KIF5C: variants seen among roughly 807,000 people sequenced by gnomAD.
KIF5C encodes kinesin heavy chain isoform 5C.
In KIF5C, 18 loss-of-function variants were observed where a neutral mutation model predicts 125.2. The ratio of observed to expected loss-of-function variants is 0.14; its 90% CI spans 0.10 to 0.21. The LOEUF (loss-of-function observed/expected upper bound fraction) is 0.21. KIF5C is among the 10% of genes least tolerant of loss of function. The pLI is 1.00. For synonymous variants in KIF5C, 405 were observed against 434.0 expected (o/e 0.93, Z 0.83); for missense variants, 780 against 1,183.8 (o/e 0.66, Z 5.01).
At chr2:148,983,477 G>T in intron 14 of KIF5C, 143 bp from the exon 15 acceptor site, 2 of 1,171,132 alleles carry the variant, frequency 1.7e-6, no homozygotes, top group Non-Finnish European at 2.3e-6. Context: ...GCAGTGCTAT[G>T]CGAGAGTTTG....
chr2:148,918,833 ATAGT>A (rs1460603294), intron 1 of KIF5C, among the ~76,000 whole-genome samples: 3 of 152,214 alleles, frequency 2.0e-5, no homozygotes, highest in African/African-American at 7.2e-5. Context: ...TGGAAATTTG[ATAGT>A]TAGGAGCGAG....
chr2:148,998,594 C>G, intron 19 of KIF5C, 85 bp downstream of exon 19: 1 of 1,529,562 alleles, frequency 6.5e-7, no homozygotes, highest in Non-Finnish European at 8.8e-7. Flanking sequence ...GGCTCTTAGT[C>G]GAGGGCCCTG....
intron 1 of KIF5C, among the ~76,000 whole-genome samples, chr2:148,899,763 C>T (rs1365777817): frequency 6.9e-6 from 1 of 145,248 alleles, no homozygotes; most frequent in Non-Finnish European, 1.5e-5. Flanking sequence ...CAGTTACCAA[C>T]AGACTCCTTA....
At chr2:148,930,720 C>G (rs1682160431) in intron 3 of KIF5C, among the ~76,000 whole-genome samples, 1 of 152,150 alleles carries the variant, frequency 6.6e-6, no homozygotes, top group Non-Finnish European at 1.5e-5. Context: ...TCTCTTTCAC[C>G]TGTTTTGCTG....
chr2:148,955,351 TG>T (rs1682767226), intron 10 of KIF5C, among the ~76,000 whole-genome samples: 1 of 152,210 alleles, frequency 6.6e-6, no homozygotes, highest in South Asian at 2.1e-4. Flanking sequence ...TACAATCAGC[TG>T]ACTTTAAGCA....
chr2:148,987,248 A>C (rs1168783474), intron 15 of KIF5C, among the ~76,000 whole-genome samples: 1 of 152,224 alleles, frequency 6.6e-6, no homozygotes, highest in Non-Finnish European at 1.5e-5. Context: ...GAAAACATGT[A>C]TGCAACATGG....
At chr2:148,977,030 T>C in intron 12 of KIF5C, among the ~76,000 whole-genome samples, 1 of 152,218 alleles carries the variant, frequency 6.6e-6, no homozygotes, top group East Asian at 1.9e-4. Context: ...AATGTGTAGA[T>C]ATAAGCACAC....
chr2:148,935,090 G>A (rs564536320), intron 3 of KIF5C: 7 of 406,410 alleles, frequency 1.7e-5, no homozygotes, highest in Admixed American at 1.1e-4. Flanking sequence ...GGGATGGGAG[G>A]CATTATTATG....
Position 148,875,591 on chromosome 2 carries a change from C to CCCCCG in KIF5C, c.-27_-26insCCCCG. 1 of 1,385,730 alleles carries CCCCCG rather than the reference C, an allele frequency of 7.2e-7. No homozygotes were observed. Among genetic ancestry groups the CCCCCG allele is most frequent in the Non-Finnish European group, 9.9e-7 (1 of 1,005,440 alleles). 85.8% of individuals were successfully genotyped at this position (1,385,730 alleles called of 1,614,324 possible). On this transcript the variant is annotated 5_prime_UTR_variant, in exon 1 of 26. Coordinates refer to ENST00000435030, the MANE Select transcript of KIF5C (RefSeq NM_004522.3). ...CCGGCCCCGGCCCCCCACCCATCCCCGTGCCCCCTCCCTACCGCCGGCCGA... is the reference window on the plus strand; with the variant it reads ...CCGGCCCCGGCCCCCCACCCATCCCCCCCCGGTGCCCCCTCCCTACCGCCGGCCGA...
rs1681182789 is a variant in KIF5C at position 148,876,146 on chromosome 2, G to T, written c.126+403G>T. 6.6e-6 allele frequency among the ~76,000 whole-genome samples: 1 copy of T among 152,200 alleles called. No individual in the cohort carries two copies. Among genetic ancestry groups the T allele is most frequent in the African/African-American group, 2.4e-5 (1 of 41,456 alleles). The stretch of plus-strand genomic sequence containing the variant: ...CTCTGCAACCCGCAAATGCTTCTGG[G>T]CATCAATCAATTCGATTTACCAAAC... On this transcript the variant is annotated intron_variant, in intron 1 of 25. Coordinates refer to ENST00000435030, the MANE Select transcript of KIF5C (RefSeq NM_004522.3). The surrounding 1 kb of genome is among the most constrained non-coding windows in gnomAD (Gnocchi z 4.7).
intron 2 of KIF5C, among the ~76,000 whole-genome samples, chr2:148,926,411 C>G (rs1038334739): frequency 5.3e-5 from 8 of 152,196 alleles, no homozygotes; most frequent in Non-Finnish European, 1.2e-4. Flanking sequence ...GTCTGCGGAG[C>G]GTGGCTGGCA....
rs1180357626 is a variant in KIF5C at position 148,876,306 on chromosome 2, G to A, written c.126+563G>A. Among the ~76,000 whole-genome samples the A allele has an allele frequency of 6.6e-6, 1 of 152,218 alleles. No homozygotes were observed. Among genetic ancestry groups the A allele is most frequent in the East Asian group, 1.9e-4 (1 of 5,180 alleles). ...CGGTGTTACACCTGGCTCCGCGCGC[G>A]GAAGGCGGAGGGTTGGGGGAGTACT... On this transcript the variant is annotated intron_variant, in intron 1 of 25. Coordinates refer to ENST00000435030, the MANE Select transcript of KIF5C (RefSeq NM_004522.3). The surrounding 1 kb of genome is among the most constrained non-coding windows in gnomAD (Gnocchi z 4.7).
chr2:148,954,772 T>G (rs1362100675), intron 10 of KIF5C, among the ~76,000 whole-genome samples: 2 of 152,232 alleles, frequency 1.3e-5, no homozygotes, highest in Non-Finnish European at 2.9e-5. Context: ...GTAGCTAGAT[T>G]AGGCAGAGCC....
At chr2:148,886,280 G>A (rs1172221876) in intron 1 of KIF5C, 1 of 152,394 alleles carries the variant, frequency 6.6e-6, no homozygotes, top group Non-Finnish European at 1.5e-5. Context: ...GACCTCTGTA[G>A]GGTCTGGTTT....
intron 20 of KIF5C, 85 bp downstream of exon 20, chr2:149,000,609 G>A: frequency 6.3e-7 from 1 of 1,578,200 alleles, no homozygotes; most frequent in South Asian, 1.2e-5. Flanking sequence ...AACAGACAAT[G>A]GCTATTTGTG....
Position 149,017,739 on chromosome 2 carries a change from G to C in KIF5C, c.*8-5339G>C, listed in dbSNP as rs186379951. Among the ~76,000 whole-genome samples, 103 of 152,260 alleles carry C rather than the reference G, an allele frequency of 6.8e-4. 3 individuals carry two copies. Among genetic ancestry groups the C allele is most frequent in the Admixed American group, 5.6e-3 (86 of 15,286 alleles). ...GGAATACAATTCTCACAGATCCCCA[G>C]AGTTGATTTAAATTATTTTATTATA... is the stretch of plus-strand genomic sequence containing the variant. On this transcript the variant is annotated intron_variant, in intron 25 of 25. Transcript: ENST00000435030.
In KIF5C at chr2:148,973,291, A is replaced by C. The variant is rs1202119358; in HGVS notation, c.1118-45A>C. On this transcript the variant is annotated intron_variant, in intron 11 of 25. Coordinates refer to ENST00000435030, the MANE Select transcript of KIF5C (RefSeq NM_004522.3). ...TGGTACTCTTCCTGGAGGGTTGCAT[A>C]CTCAATTTCTTTAATCCCCAACTCT... 3 of 1,574,584 alleles carry C rather than the reference A, an allele frequency of 1.9e-6. No individual in the cohort carries two copies. The East Asian group carries it at 6.7e-5, about 35-fold the overall frequency.
chr2:148,950,031 G>A (rs1682621627), intron 9 of KIF5C, 88 bp downstream of exon 9: 8 of 1,490,772 alleles, frequency 5.4e-6, no homozygotes, highest in South Asian at 2.7e-5. Context: ...CACCCCAAAG[G>A]CTGGTTTGTT....
At chr2:148,895,349 G>C (rs1421590491) in intron 1 of KIF5C, among the ~76,000 whole-genome samples, 1 of 152,062 alleles carries the variant, frequency 6.6e-6, no homozygotes, top group Non-Finnish European at 1.5e-5. Flanking sequence ...TGTTGGCCAG[G>C]CTGGTCTCAA....
Sources: allele counts gnomAD v4.1 joint callset (sites outside exome capture counted in the v4.1 genomes callset), GRCh38; gene constraint gnomAD v4.1.1; non-coding constraint Gnocchi (gnomAD v3.1); transcripts MANE v1.5; gene names NCBI Gene and HGNC (gene_info 2026-07-23, HGNC 2026-07-21).